The following SVOPL variants were observed in gnomAD, a reference collection of about 807,000 sequenced individuals.
SVOPL encodes putative transporter SVOPL.
Under a neutral mutation model 61.0 loss-of-function variants are expected in SVOPL, and 60 were observed. That is an observed-to-expected ratio of 0.98 (90% CI 0.80 to 1.22). The LOEUF is 1.22. Among genes scored for constraint, SVOPL ranks in the 50% most tolerant of loss-of-function variants. SVOPL has a pLI of 0.00. For missense variants in SVOPL, 662 were observed against 643.9 expected, an observed-to-expected ratio of 1.03 and a Z score of -0.30; for synonymous variants, 279 against 250.0, an observed-to-expected ratio of 1.12 and a Z score of -1.09.
intron 9 of SVOPL, among the ~76,000 whole-genome samples, chr7:138,631,214 G>A (rs1388223454): frequency 1.3e-5 from 2 of 152,018 alleles, no homozygotes; most frequent in African/African-American, 4.8e-5. Flanking sequence ...AATTTTTGTG[G>A]GGCACGTAGT....
chr7:138,611,356 C>T (rs1798991984), intron 14 of SVOPL, among the ~76,000 whole-genome samples: 1 of 152,074 alleles, frequency 6.6e-6, no homozygotes, highest in Non-Finnish European at 1.5e-5. Flanking sequence ...CCAGCCTAGG[C>T]GACAGAGCAA....
intron 4 of SVOPL, among the ~76,000 whole-genome samples, chr7:138,668,746 C>G (rs1802338703): frequency 6.6e-6 from 1 of 152,222 alleles, no homozygotes; most frequent in Non-Finnish European, 1.5e-5. Flanking sequence ...ACATCCCCTT[C>G]CCCTGCCACC....
At chr7:138,632,731 G>A (rs1584807341) in intron 9 of SVOPL, among the ~76,000 whole-genome samples, 1 of 151,606 alleles carries the variant, frequency 6.6e-6, no homozygotes, top group Admixed American at 6.6e-5. Context: ...GAGGGAGGAT[G>A]GGGGCGGGAG....
intron 2 of SVOPL, 92 bp downstream of exon 2, chr7:138,678,871 CT>C (rs1802638337): frequency 1.4e-5 from 18 of 1,316,064 alleles, no homozygotes; most frequent in Non-Finnish European, 1.5e-5. Context: ...TGCCTGGCTG[CT>C]TCTTTTGACC....
chr7:138,692,270 A>G (rs1040724709), intron 1 of SVOPL, among the ~76,000 whole-genome samples: 1 of 152,218 alleles, frequency 6.6e-6, no homozygotes, highest in Non-Finnish European at 1.5e-5. Flanking sequence ...GCATGTGTGT[A>G]TGCATGTGTG....
At chr7:138,689,875 A>G (rs900336347) in intron 1 of SVOPL, among the ~76,000 whole-genome samples, 1 of 147,250 alleles carries the variant, frequency 6.8e-6, no homozygotes, top group Non-Finnish European at 1.5e-5. Flanking sequence ...AAAAAAAAAG[A>G]TGAAATTATA....
chr7:138,651,388 T>C (rs1010231012), intron 7 of SVOPL, among the ~76,000 whole-genome samples: 5 of 152,304 alleles, frequency 3.3e-5, no homozygotes, highest in African/African-American at 1.2e-4. Context: ...AGACAGTGTA[T>C]CAACCGAAGA....
At chr7:138,614,304 T>G (rs1016492335) in intron 14 of SVOPL, among the ~76,000 whole-genome samples, 1 of 152,250 alleles carries the variant, frequency 6.6e-6, no homozygotes, top group East Asian at 1.9e-4. Context: ...AAAGGCTGAA[T>G]GATTTCAGCT....
chr7:138,666,940 A>C lies in SVOPL; in HGVS notation c.274-3795T>G, dbSNP rs182309319. 7.4e-4 allele frequency among the ~76,000 whole-genome samples: 112 copies of C among 152,304 alleles called. 2 individuals are homozygous for C. The highest frequency in any genetic ancestry group is 7.5e-4 in the Non-Finnish European group (51 of 68,038). On this transcript the variant is annotated intron_variant, in intron 4 of 15. Coordinates refer to ENST00000674285, the MANE Select transcript of SVOPL (RefSeq NM_001139456.2). The stretch of plus-strand genomic sequence containing the variant: ...CCAAGAGAAAGCAACTTCAATGCAC[A>C]CTGGAGACTGTCTCTTTCAGGCTTG...
intron 1 of SVOPL, among the ~76,000 whole-genome samples, chr7:138,699,804 G>A (rs1314317160): frequency 1.3e-5 from 2 of 152,150 alleles, no homozygotes; most frequent in Non-Finnish European, 2.9e-5. Context: ...CCCCGCCACC[G>A]GAACAGCGTT....
chr7:138,628,359 C>T lies in SVOPL; in HGVS notation c.868G>A (p.Gly290Arg). 6.2e-7 allele frequency: 1 copy of T among 1,613,920 alleles called. No homozygotes were observed. ...ACCCCATAGTAGGCAAAAGAGATTC[C>T]AAGCCTGGAAGAGAGAAAACAAAGT... The part of the protein sequence containing the change: ...TTLQIWVIWL[G>R]ISFAYYGVIL... The change falls in exon 11 of 16, where the codon GGA becomes AGA. Residue 290 changes from glycine (G) to arginine (R), a missense_variant. Transcript: ENST00000674285.
chr7:138,595,829 T>C (rs984111394), intron 15 of SVOPL, among the ~76,000 whole-genome samples: 3 of 152,168 alleles, frequency 2.0e-5, no homozygotes, highest in African/African-American at 7.2e-5. Flanking sequence ...CATTCACAAT[T>C]ACATAATAGA....
At chr7:138,648,279 C>G (rs765037143) in intron 8 of SVOPL, among the ~76,000 whole-genome samples, 3 of 151,942 alleles carry the variant, frequency 2.0e-5, no homozygotes, top group African/African-American at 7.3e-5. Context: ...GAGGGCTGCC[C>G]GCTGGTTGAG....
intron 4 of SVOPL, chr7:138,664,183 C>CT: frequency 1.1e-6 from 1 of 938,920 alleles, no homozygotes; most frequent in Non-Finnish European, 1.3e-6. Context: ...GCACCCTACC[C>CT]TGCCCTCCCC....
intron 13 of SVOPL, among the ~76,000 whole-genome samples, chr7:138,622,174 C>G (rs1221914314): frequency 1.1e-4 from 5 of 44,394 alleles, no homozygotes; most frequent in East Asian, 5.1e-4. Flanking sequence ...ATGTATCTAT[C>G]TGTCTATGTA....
chr7:138,700,706 ATGGATGGAT>A (rs1197103398), intron 1 of SVOPL, among the ~76,000 whole-genome samples: 38 of 150,002 alleles, frequency 2.5e-4, no homozygotes, highest in African/African-American at 8.0e-4. Flanking sequence ...GGATGGATGG[ATGGATGGAT>A]GGCAGATGGA....
intron 14 of SVOPL, among the ~76,000 whole-genome samples, chr7:138,612,447 T>TAAAAAAAAAAA (rs59229265): frequency 4.2e-3 from 93 of 22,276 alleles, no homozygotes; most frequent in African/African-American, 5.6e-3. Flanking sequence ...AAAAAAAAAA[T>TAAAAAAAAAAA]AAAAAAAAAA....
chr7:138,599,167 A>AAAAAAAAAAAC (rs58372563), intron 14 of SVOPL, among the ~76,000 whole-genome samples: 16 of 121,816 alleles, frequency 1.3e-4, no homozygotes, highest in African/African-American at 2.9e-4. Context: ...ACCAAAAAAA[A>AAAAAAAAAAAC]AAGAAATACA....
chr7:138,693,940 C>A (rs780426456), intron 1 of SVOPL, among the ~76,000 whole-genome samples: 26 of 152,164 alleles, frequency 1.7e-4, no homozygotes, highest in Non-Finnish European at 3.1e-4. Context: ...ATGAAGAATA[C>A]ATACAGTGGC....
Sources: allele counts gnomAD v4.1 joint callset (sites outside exome capture counted in the v4.1 genomes callset), GRCh38; gene constraint gnomAD v4.1.1; transcripts MANE v1.5; gene names NCBI Gene and HGNC (gene_info 2026-07-23, HGNC 2026-07-21).